TMEM232: variants seen among roughly 807,000 people sequenced by gnomAD.
TMEM232 encodes the protein transmembrane protein 232.
In TMEM232, 80 loss-of-function variants were observed where a neutral mutation model predicts 78.8. The ratio of observed to expected loss-of-function variants is 1.01; its 90% CI spans 0.85 to 1.22. The LOEUF is 1.22. TMEM232 is among the 50% of genes most tolerant of loss of function. The pLI is 0.00. For synonymous variants in TMEM232, 297 were observed against 254.3 expected (o/e 1.17, Z -1.60); for missense variants, 881 against 742.2 (o/e 1.19, Z -2.17).
At chr5:110,488,918 G>A (rs1297448388) in intron 12 of TMEM232, among the ~76,000 whole-genome samples, 1 of 151,872 alleles carries the variant, frequency 6.6e-6, no homozygotes, top group Non-Finnish European at 1.5e-5. Context: ...TAAGGGAACA[G>A]TATGAACAAT....
chr5:110,634,972 CCACT>C (rs1158771626), intron 5 of TMEM232, among the ~76,000 whole-genome samples: 1 of 151,720 alleles, frequency 6.6e-6, no homozygotes, highest in African/African-American at 2.4e-5. Flanking sequence ...AGAGATAAGG[CCACT>C]CAAACATAAT....
chr5:110,549,351 A>G (rs1035721319), intron 11 of TMEM232, among the ~76,000 whole-genome samples: 1 of 152,078 alleles, frequency 6.6e-6, no homozygotes, highest in Admixed American at 6.6e-5. Flanking sequence ...AGAGTGGCTC[A>G]GGCCTGTAAT....
intron 2 of TMEM232, among the ~76,000 whole-genome samples, chr5:110,646,407 C>G (rs1787480887): frequency 6.6e-6 from 1 of 151,644 alleles, no homozygotes; most frequent in Non-Finnish European, 1.5e-5. Flanking sequence ...ATCAAAAATC[C>G]AGAAATAAAT....
chr5:110,568,673 G>T, intron 10 of TMEM232, 48 bp from the exon 11 acceptor site: 1 of 1,479,162 alleles, frequency 6.8e-7, no homozygotes, highest in Non-Finnish European at 9.0e-7. Flanking sequence ...TATTCACCTT[G>T]CTAAAGTATG....
intron 1 of TMEM232, among the ~76,000 whole-genome samples, chr5:110,683,625 G>T (rs2150191356): frequency 6.6e-6 from 1 of 150,926 alleles, no homozygotes; most frequent in East Asian, 1.9e-4. Context: ...TCTTCCTAAG[G>T]CTTTTAGTAG....
intron 1 of TMEM232, among the ~76,000 whole-genome samples, chr5:110,672,809 T>C (rs528640996): frequency 2.0e-5 from 3 of 152,016 alleles, no homozygotes; most frequent in Non-Finnish European, 4.4e-5. Context: ...AGCAAAAGAA[T>C]TTAGTACTAT....
At chr5:110,585,732 G>A (rs1203712537) in intron 10 of TMEM232, among the ~76,000 whole-genome samples, 2 of 152,122 alleles carry the variant, frequency 1.3e-5, no homozygotes, top group Non-Finnish European at 2.9e-5. Flanking sequence ...CAAGGCTGCA[G>A]TGAGCATGAG....
chr5:110,567,971 C>A (rs1186596061), intron 11 of TMEM232, among the ~76,000 whole-genome samples: 1 of 151,964 alleles, frequency 6.6e-6, no homozygotes, highest in Non-Finnish European at 1.5e-5. Context: ...GTGAAAGTGC[C>A]CCTATGCAGC....
intron 10 of TMEM232, among the ~76,000 whole-genome samples, chr5:110,584,573 G>A (rs998079546): frequency 2.6e-5 from 4 of 152,106 alleles, no homozygotes; most frequent in African/African-American, 9.7e-5. Context: ...GAGATCTGCT[G>A]TAAAACATTG....
intron 12 of TMEM232, among the ~76,000 whole-genome samples, chr5:110,483,253 A>G (rs1395653464): frequency 2.0e-5 from 3 of 152,152 alleles, no homozygotes; most frequent in Non-Finnish European, 4.4e-5. Flanking sequence ...CTAATTTTTT[A>G]TAAGTTATAA....
Position 110,420,376 on chromosome 5 carries a change from G to C in TMEM232, c.*204C>G. The C allele has an allele frequency of 2.4e-6, 1 of 419,792 alleles. No individual in the cohort carries two copies. Among genetic ancestry groups the C allele is most frequent in the South Asian group, 5.4e-5 (1 of 18,416 alleles). The allele number at this position is 419,792 out of a possible 1,614,324, so 26.0% of individuals were successfully genotyped here. ...ACTAGTGAAATCACTTCATTCAAGT[G>C]TGATTAAAAGTTGGTCATTAATTTA... On this transcript the variant is annotated 3_prime_UTR_variant, in exon 14 of 14. Transcript: ENST00000455884.
At position 110,667,264 on chromosome 5, in the gene TMEM232, A is replaced by T. The variant is rs995901228; in HGVS notation, c.89T>A (p.Phe30Tyr). ...PYHEELWKLN[F>Y]QHLSGERGHK... ...ACCCCTTTCTCCACTTAAATGTTGA[A>T]AATTTAATTTCCAGAGCTCTTCATG... is the stretch of plus-strand genomic sequence containing the variant. The change falls in exon 2 of 14, where the codon TTT (phenylalanine) becomes TAT (tyrosine). Residue 30 changes from phenylalanine to tyrosine, a missense_variant. Transcript: ENST00000455884. 2 of 1,547,198 alleles carry T rather than the reference A, an allele frequency of 1.3e-6. No individual in the cohort carries two copies. Among genetic ancestry groups the T allele is most frequent in the Non-Finnish European group, 1.7e-6 (2 of 1,144,368 alleles).
chr5:110,728,714 C>A (rs969225198), upstream of TMEM232, among the ~76,000 whole-genome samples: 1 of 149,346 alleles, frequency 6.7e-6, no homozygotes, highest in Non-Finnish European at 1.5e-5. Context: ...ATATATATAC[C>A]TATATATATA....
chr5:110,484,832 A>G (rs1004415487), intron 12 of TMEM232, among the ~76,000 whole-genome samples: 2 of 152,114 alleles, frequency 1.3e-5, no homozygotes, highest in East Asian at 1.9e-4. Flanking sequence ...AAAATATATG[A>G]AGCAAAAGTT....
At chr5:110,490,928 T>C (rs901144592) in intron 12 of TMEM232, among the ~76,000 whole-genome samples, 10 of 152,064 alleles carry the variant, frequency 6.6e-5, no homozygotes, top group African/African-American at 2.4e-4. Context: ...GATTAGGCAA[T>C]AGTTACCTAG....
intron 2 of TMEM232, among the ~76,000 whole-genome samples, chr5:110,414,399 T>C (rs1756110848): frequency 6.6e-6 from 1 of 152,232 alleles, no homozygotes. Context: ...TTGCATATAT[T>C]AGATTGATGC....
intron 1 of TMEM232, among the ~76,000 whole-genome samples, chr5:110,706,014 A>C (rs751988589): frequency 2.6e-5 from 4 of 152,038 alleles, no homozygotes; most frequent in Non-Finnish European, 4.4e-5. Context: ...GATTTAAATT[A>C]AACGGCTATT....
intron 3 of TMEM232, among the ~76,000 whole-genome samples, chr5:110,395,889 A>G (rs1580547194): frequency 6.6e-6 from 1 of 151,920 alleles, no homozygotes; most frequent in Non-Finnish European, 1.5e-5. Flanking sequence ...AATTTAGGTG[A>G]GAGATCTCGA....
chr5:110,618,780 T>C (rs2149894380), intron 7 of TMEM232, among the ~76,000 whole-genome samples: 1 of 152,312 alleles, frequency 6.6e-6, no homozygotes, highest in South Asian at 2.1e-4. Context: ...CACATGGGTC[T>C]CTTGTGTTCA....
Sources: gnomAD v4.1 joint callset for allele counts (sites outside exome capture counted in the v4.1 genomes callset) on GRCh38, gnomAD v4.1.1 for gene constraint, MANE v1.5 for transcripts, NCBI Gene and HGNC (gene_info 2026-07-23, HGNC 2026-07-21) for gene names.